The following GUCY2F variants were observed in gnomAD, a reference collection of about 807,000 sequenced individuals.
The protein encoded by GUCY2F is retinal guanylyl cyclase 2.
GUCY2F carries 61 observed loss-of-function variants against 73.1 expected under a neutral mutation model. That is an observed-to-expected ratio of 0.83 (90% CI 0.68 to 1.03). The LOEUF (loss-of-function observed/expected upper bound fraction) is 1.03, where lower values mean the gene tolerates loss of function less well. Ranked by LOEUF, GUCY2F falls within the 50% of genes least tolerant of loss-of-function variation. The pLI is 0.00. For synonymous variants in GUCY2F, 331 were observed against 307.8 expected, an observed-to-expected ratio of 1.08 and a Z score of -0.79; for missense variants, 912 against 854.3, an observed-to-expected ratio of 1.07 and a Z score of -0.84.
rs1433195106 is a variant in GUCY2F, at chrX:109,465,240, A to G, written c.934T>C (p.Leu312=). 6 of 1,206,720 alleles carry G rather than the reference A, an allele frequency of 5.0e-6. No individual in the cohort carries two copies. Among genetic ancestry groups the G allele is most frequent in the Non-Finnish European group, 6.7e-6 (6 of 892,102 alleles). Residue 312 remains leucine, a synonymous_variant, in exon 3 of 20, where the codon TTG becomes CTG. Transcript: ENST00000218006. ...TCTTGGGACTCCACTGTAATGGTCA[A>G]CACTGCATCATAGGCTTCCCGGAGC... ...PKLREAYDAV[L]TITVESQEKT... is the part of the protein sequence containing the mutation.
Position 109,406,981 on chromosome X carries a change from C to T in GUCY2F, c.1968+2011G>A, listed in dbSNP as rs374032259. 7.9e-4 allele frequency among the ~76,000 whole-genome samples: 88 copies of T among 111,733 alleles called. 3 individuals are homozygous for T. In the South Asian group the frequency reaches 0.033, roughly 42 times the overall value. On this transcript the variant is annotated intron_variant, in intron 9 of 19. Coordinates refer to ENST00000218006, the MANE Select transcript of GUCY2F (RefSeq NM_001522.3). Reference sequence around the variant, plus strand: ...GGACTAATGTAGTATGTTGGTACTACGAGTGGGGCATTGCTGAAAAGATAC... The same window carrying T: ...GGACTAATGTAGTATGTTGGTACTATGAGTGGGGCATTGCTGAAAAGATAC...
intron 10 of GUCY2F, among the ~76,000 whole-genome samples, chrX:109,404,044 TG>T (rs777370649): frequency 1.8e-5 from 2 of 112,527 alleles, no homozygotes; most frequent in Non-Finnish European, 3.8e-5. Flanking sequence ...GTGTGCCTAG[TG>T]CTCAGCAAGT....
At chrX:109,478,174 G>C (rs1251160764) in intron 1 of GUCY2F, among the ~76,000 whole-genome samples, 1 of 112,256 alleles carries the variant, frequency 8.9e-6, no homozygotes, top group African/African-American at 3.2e-5. Flanking sequence ...GAATGCATGA[G>C]AGTGAGATAC....
intron 2 of GUCY2F, among the ~76,000 whole-genome samples, chrX:109,472,597 A>T (rs1362953473): frequency 8.9e-6 from 1 of 112,083 alleles, no homozygotes; most frequent in Non-Finnish European, 1.9e-5. Flanking sequence ...TTAGCTAAAG[A>T]TTTGATCCGG....
intron 17 of GUCY2F, 131 bp downstream of exon 17, chrX:109,381,987 G>C (rs942789646): frequency 3.2e-5 from 13 of 412,661 alleles, no homozygotes; most frequent in Non-Finnish European, 5.6e-5. Context: ...ACCCCAAATG[G>C]GGCTGAAGAT....
chrX:109,400,399 A>G (rs755418989), intron 10 of GUCY2F, among the ~76,000 whole-genome samples: 2 of 111,584 alleles, frequency 1.8e-5, no homozygotes, highest in Non-Finnish European at 3.8e-5. Context: ...GAGTGAGGGT[A>G]TCAGGGAGAA....
chrX:109,373,994 C>G (rs1930119573), intron 19 of GUCY2F, among the ~76,000 whole-genome samples: 1 of 112,267 alleles, frequency 8.9e-6, no homozygotes, highest in Non-Finnish European at 1.9e-5. Flanking sequence ...CCACAGGGCT[C>G]TCTTAAAGGT....
At chrX:109,409,912 G>A (rs1931066951) in intron 8 of GUCY2F, among the ~76,000 whole-genome samples, 1 of 111,127 alleles carries the variant, frequency 9.0e-6, no homozygotes, top group African/African-American at 3.3e-5. Flanking sequence ...GTCTTTATTA[G>A]CAGCATGATA....
At chrX:109,441,650 C>A (rs1931870166) in intron 6 of GUCY2F, among the ~76,000 whole-genome samples, 168 bp from the exon 7 acceptor site, 1 of 109,181 alleles carries the variant, frequency 9.2e-6, no homozygotes, top group African/African-American at 3.3e-5. Context: ...TTTTTCAGTT[C>A]AGTGTTGGTA....
At chrX:109,402,475 C>A (rs761013869) in intron 10 of GUCY2F, among the ~76,000 whole-genome samples, 1 of 108,794 alleles carries the variant, frequency 9.2e-6, no homozygotes, top group Admixed American at 9.7e-5. Flanking sequence ...CAGACTCAAG[C>A]GATTCTCCTG....
chrX:109,435,680 G>A (rs949955368), intron 7 of GUCY2F, among the ~76,000 whole-genome samples: 13 of 110,829 alleles, frequency 1.2e-4, no homozygotes, highest in Non-Finnish European at 1.7e-4. Flanking sequence ...TAGGAGTGGT[G>A]AGAGAGGGCA....
At position 109,475,664 on chromosome X, in the gene GUCY2F, C is replaced by T. The variant is rs888945191; in HGVS notation, c.273G>A (p.Leu91=). The change falls in exon 2 of 20, where the codon CTG becomes CTA. Residue 91 remains leucine (L), a synonymous_variant. Transcript: ENST00000218006. ...GAATCACGTATTCAAAAGAATAACT[C>T]AGGTCAAAAGATGGGTCCCGGTTGA... ...ERINRDPSFD[L]SYSFEYVILN... is the part of the protein sequence containing the mutation. 2.5e-6 allele frequency: 3 copies of T among 1,208,925 alleles called. No individual in the cohort carries two copies. The highest frequency in any genetic ancestry group is 3.4e-6 in the Non-Finnish European group (3 of 894,530).
intron 10 of GUCY2F, among the ~76,000 whole-genome samples, chrX:109,400,506 G>A (rs1206636495): frequency 8.9e-6 from 1 of 112,121 alleles, no homozygotes; most frequent in African/African-American, 3.2e-5. Context: ...TGAAAGGTGA[G>A]AGATTATTTT....
At chrX:109,450,113 G>C (rs944785713) in intron 5 of GUCY2F, among the ~76,000 whole-genome samples, 1 of 110,771 alleles carries the variant, frequency 9.0e-6, no homozygotes, top group Non-Finnish European at 1.9e-5. Flanking sequence ...GACCAAGTGA[G>C]TCTGGGAAAT....
At chrX:109,461,627 A>G (rs1008684425) in intron 3 of GUCY2F, among the ~76,000 whole-genome samples, 1 of 112,154 alleles carries the variant, frequency 8.9e-6, no homozygotes, top group African/African-American at 3.2e-5. Context: ...TAAGTGTTTG[A>G]CAACAGCTAT....
intron 3 of GUCY2F, among the ~76,000 whole-genome samples, chrX:109,457,704 C>T (rs1454657730): frequency 9.0e-6 from 1 of 111,459 alleles, no homozygotes; most frequent in East Asian, 2.8e-4. Flanking sequence ...GTCCTAACCA[C>T]ATCTGCTGCA....
chrX:109,392,031 G>A lies in GUCY2F; in HGVS notation c.2661C>T (p.Phe887=). ...TGGTTGTGAAGCCCACAATGTCGCT[G>A]AAGTACAAGGTGACCAAGTCAAAGC... ...PEGFDLVTLY[F]SDIVGFTTIS... The change falls in exon 14 of 20, where the codon TTC becomes TTT. Residue 887 remains phenylalanine, a synonymous_variant. Coordinates refer to ENST00000218006, the MANE Select transcript of GUCY2F (RefSeq NM_001522.3). The A allele has an allele frequency of 8.3e-7, 1 of 1,208,414 alleles. No homozygotes were observed. Among genetic ancestry groups the A allele is most frequent in the Non-Finnish European group, 1.1e-6 (1 of 892,890 alleles).
intron 3 of GUCY2F, among the ~76,000 whole-genome samples, chrX:109,454,473 C>T (rs1037147275): frequency 9.0e-6 from 1 of 111,635 alleles, no homozygotes; most frequent in Non-Finnish European, 1.9e-5. Flanking sequence ...ACGCACCCAG[C>T]TATCTAGAGC....
rs368903650 is a variant in GUCY2F, at chrX:109,453,598, G to A, written c.1294C>T (p.Arg432Cys). The A allele has an allele frequency of 2.5e-5, 30 of 1,206,169 alleles. No individual in the cohort carries two copies. The highest frequency in any genetic ancestry group is 1.2e-4 in the African/African-American group (7 of 56,973). The change falls in exon 4 of 20, where the codon CGT (arginine) becomes TGT (cysteine). Residue 432 changes from arginine to cysteine, a missense_variant. Arg to Cys is a radical substitution (Grantham distance 180). Coordinates refer to ENST00000218006, the MANE Select transcript of GUCY2F (RefSeq NM_001522.3). ...AAGTGAATAGGGGTCCCTCCGAAAC[G>A]TAGCAGCTCCATTTCCATGTCCACA... Reference protein sequence around the residue: ...YTVDMEMELLRFGGTPIHFPG... With the variant: ...YTVDMEMELLCFGGTPIHFPG...
Sources: allele counts gnomAD v4.1 joint callset (sites outside exome capture counted in the v4.1 genomes callset), GRCh38; gene constraint gnomAD v4.1.1; transcripts MANE v1.5; gene names NCBI Gene and HGNC (gene_info 2026-07-23, HGNC 2026-07-21).